NOL4: variants seen among roughly 807,000 people sequenced by gnomAD.
The protein encoded by NOL4 is nucleolar protein 4.
In NOL4, 17 loss-of-function variants were observed where a neutral mutation model predicts 75.9. The ratio of observed to expected loss-of-function variants is 0.22; its 90% CI spans 0.15 to 0.34. The LOEUF (loss-of-function observed/expected upper bound fraction) is 0.34, where lower values mean the gene tolerates loss of function less well. Among genes scored for constraint, NOL4 ranks in the 10% least tolerant of loss-of-function variants. The pLI, the probability that NOL4 is intolerant of heterozygous loss-of-function variation, is 1.00. For synonymous variants in NOL4, 292 were observed against 289.9 expected (o/e 1.01, Z -0.07); for missense variants, 614 against 793.5 (o/e 0.77, Z 2.72).
intron 6 of NOL4, among the ~76,000 whole-genome samples, chr18:33,984,279 G>T (rs2072249360): frequency 6.6e-6 from 1 of 152,014 alleles, no homozygotes; most frequent in Non-Finnish European, 1.5e-5. Flanking sequence ...TTACCCTAGG[G>T]TCAAATATAC....
At chr18:33,905,957 G>C (rs2066015860) in intron 9 of NOL4, among the ~76,000 whole-genome samples, 1 of 152,188 alleles carries the variant, frequency 6.6e-6, no homozygotes, top group African/African-American at 2.4e-5. Flanking sequence ...ACCTTTGAGA[G>C]TGGGGAAATT....
chr18:34,148,625 T>C (rs574171023), intron 1 of NOL4, among the ~76,000 whole-genome samples: 1 of 152,214 alleles, frequency 6.6e-6, no homozygotes, highest in Non-Finnish European at 1.5e-5. Context: ...ATGAGTGTTT[T>C]ACTTCCAATT....
Position 34,055,235 on chromosome 18 carries a change from G to GA in NOL4, c.773-35635dup, listed in dbSNP as rs1450847987. ...ATGTGGCCATGTATTTTTCTTTACT[G>GA]AAGTTTGTATTTTCATCTAGCATTC... On this transcript the variant is annotated intron_variant, in intron 5 of 10. Coordinates refer to ENST00000261592, the MANE Select transcript of NOL4 (RefSeq NM_003787.5). Among the ~76,000 whole-genome samples the GA allele has an allele frequency of 2.0e-5, 3 of 151,768 alleles. No homozygotes were observed. In the East Asian group the frequency reaches 5.8e-4, roughly 29 times the overall value.
At chr18:34,100,176 T>C (rs539120894) in intron 4 of NOL4, among the ~76,000 whole-genome samples, 2 of 152,238 alleles carry the variant, frequency 1.3e-5, no homozygotes, top group African/African-American at 4.8e-5. Flanking sequence ...TTTTCCAATT[T>C]TGTACAAGAA....
At chr18:34,013,926 A>C (rs1036433262) in intron 6 of NOL4, among the ~76,000 whole-genome samples, 1 of 151,914 alleles carries the variant, frequency 6.6e-6, no homozygotes, top group Non-Finnish European at 1.5e-5. Context: ...ACCCTAAACA[A>C]CACCTGGGCC....
chr18:34,040,223 T>C (rs971934578), intron 5 of NOL4, among the ~76,000 whole-genome samples: 5 of 152,002 alleles, frequency 3.3e-5, no homozygotes, highest in South Asian at 2.1e-4. Context: ...ATGGAGATTA[T>C]TGTTGGGGGC....
chr18:33,951,989 T>C (rs970031391), intron 8 of NOL4, among the ~76,000 whole-genome samples: 1 of 152,206 alleles, frequency 6.6e-6, no homozygotes, highest in Admixed American at 6.6e-5. Flanking sequence ...TTTCTATCTT[T>C]CTAAGTTGTT....
At chr18:33,982,772 CAG>C (rs1209154399) in intron 6 of NOL4, among the ~76,000 whole-genome samples, 2 of 104,770 alleles carry the variant, frequency 1.9e-5, no homozygotes, top group East Asian at 3.2e-4. Flanking sequence ...TTTTTTTAGA[CAG>C]AGTTTCACTC....
At chr18:33,913,398 G>A (rs2066524448) in intron 9 of NOL4, among the ~76,000 whole-genome samples, 1 of 152,114 alleles carries the variant, frequency 6.6e-6, no homozygotes. Flanking sequence ...CCAATCATCA[G>A]TGTTTGGATG....
At chr18:33,973,506 G>C (rs139091822) in intron 6 of NOL4, among the ~76,000 whole-genome samples, 1 of 152,042 alleles carries the variant, frequency 6.6e-6, no homozygotes, top group Non-Finnish European at 1.5e-5. Context: ...TATTCTTTCC[G>C]GAAGGTTTTC....
At chr18:33,884,036 C>T (rs1198346748) in intron 9 of NOL4, among the ~76,000 whole-genome samples, 1 of 152,006 alleles carries the variant, frequency 6.6e-6, no homozygotes, top group Non-Finnish European at 1.5e-5. Flanking sequence ...CACTACTGCA[C>T]AACCATGTGG....
At chr18:34,210,770 T>C (rs2036457624) in intron 1 of NOL4, among the ~76,000 whole-genome samples, 1 of 152,216 alleles carries the variant, frequency 6.6e-6, no homozygotes, top group Non-Finnish European at 1.5e-5. Context: ...TAAGTTTTAA[T>C]TTTAGAGAGT....
chr18:34,008,661 C>T (rs745824592), intron 6 of NOL4, among the ~76,000 whole-genome samples: 1 of 151,856 alleles, frequency 6.6e-6, no homozygotes, highest in Non-Finnish European at 1.5e-5. Flanking sequence ...TACCAGCCCG[C>T]CATGATGCAA....
chr18:34,149,110 T>A (rs79075650), intron 1 of NOL4, among the ~76,000 whole-genome samples: 5,195 of 151,790 alleles, frequency 0.034, 94 homozygotes, highest in Middle Eastern at 0.048. Context: ...CCCTTAATTA[T>A]TAGGCATAAT....
intron 6 of NOL4, among the ~76,000 whole-genome samples, chr18:33,961,011 G>A (rs1221593591): frequency 4.6e-5 from 7 of 151,850 alleles, no homozygotes; most frequent in African/African-American, 7.3e-5. Flanking sequence ...ATAATGTTTT[G>A]TATTAATGAA....
At chr18:33,965,419 C>T (rs1262163890) in intron 6 of NOL4, among the ~76,000 whole-genome samples, 4 of 152,054 alleles carry the variant, frequency 2.6e-5, no homozygotes, top group East Asian at 1.9e-4. Flanking sequence ...CTTGAGCCCA[C>T]GAATCCCAGG....
At chr18:33,980,240 T>C in intron 6 of NOL4, among the ~76,000 whole-genome samples, 1 of 151,934 alleles carries the variant, frequency 6.6e-6, no homozygotes, top group East Asian at 1.9e-4. Flanking sequence ...ACCTAAATTG[T>C]AATTGACAAA....
chr18:33,990,321 T>C (rs969585993), intron 6 of NOL4, among the ~76,000 whole-genome samples: 1 of 152,076 alleles, frequency 6.6e-6, no homozygotes, highest in African/African-American at 2.4e-5. Flanking sequence ...TATTATGCTG[T>C]ATATCTTTCA....
intron 9 of NOL4, among the ~76,000 whole-genome samples, chr18:33,907,425 A>T (rs1321307063): frequency 6.6e-6 from 1 of 152,094 alleles, no homozygotes; most frequent in African/African-American, 2.4e-5. Flanking sequence ...AACAAAATCT[A>T]AAAAGATCAT....
Sources: allele counts gnomAD v4.1 joint callset (sites outside exome capture counted in the v4.1 genomes callset), GRCh38; gene constraint gnomAD v4.1.1; transcripts MANE v1.5; gene names NCBI Gene and HGNC (gene_info 2026-07-23, HGNC 2026-07-21).